PGPEP1L: variants seen among roughly 807,000 people sequenced by gnomAD.
PGPEP1L encodes the protein pyroglutamyl-peptidase I like.
A neutral mutation model predicts 6.0 loss-of-function variants in PGPEP1L; 7 were observed. The ratio of observed to expected loss-of-function variants is 1.17; its 90% CI spans 0.66 to 2.19. The LOEUF is 2.19. Among genes scored for constraint, PGPEP1L ranks in the 30% most tolerant of loss-of-function variants. PGPEP1L has a pLI of 0.00. For missense variants in PGPEP1L, 209 were observed against 192.5 expected (o/e 1.09, Z -0.51); for synonymous variants, 103 against 83.9 (o/e 1.23, Z -1.24).
At chr15:98,976,388 T>C (rs1002431356) in intron 2 of PGPEP1L, among the ~76,000 whole-genome samples, 11 of 152,198 alleles carry the variant, frequency 7.2e-5, no homozygotes, top group African/African-American at 2.2e-4. Flanking sequence ...AATAATTAAG[T>C]TGGGATTTTA....
chr15:98,984,006 AGTCTT>A (rs1291078295), intron 2 of PGPEP1L, among the ~76,000 whole-genome samples: 1 of 133,910 alleles, frequency 7.5e-6, no homozygotes, highest in African/African-American at 2.8e-5. Flanking sequence ...TGGAGTAAGT[AGTCTT>A]TTTTTTTTTT....
At chr15:98,974,758 T>C (rs968415961) in intron 2 of PGPEP1L, among the ~76,000 whole-genome samples, 8 of 152,082 alleles carry the variant, frequency 5.3e-5, no homozygotes, top group African/African-American at 1.9e-4. Context: ...TTAGCTGGCG[T>C]CATGGCACAC....
intron 2 of PGPEP1L, among the ~76,000 whole-genome samples, chr15:98,976,226 A>T (rs1241440647): frequency 6.6e-6 from 1 of 152,194 alleles, no homozygotes; most frequent in Non-Finnish European, 1.5e-5. Flanking sequence ...ATTTAATGTT[A>T]TACATCAATG....
intron 2 of PGPEP1L, among the ~76,000 whole-genome samples, chr15:98,998,952 G>A (rs1555472715): frequency 6.6e-6 from 1 of 152,100 alleles, no homozygotes; most frequent in Non-Finnish European, 1.5e-5. Context: ...TCCAGCCTGG[G>A]CGAAAGAGCA....
intron 2 of PGPEP1L, among the ~76,000 whole-genome samples, chr15:99,003,003 A>G (rs1443502576): frequency 1.3e-5 from 2 of 152,212 alleles, no homozygotes; most frequent in African/African-American, 4.8e-5. Flanking sequence ...ATTCCTGAAC[A>G]TCTGGGTCTA....
At chr15:98,980,426 G>T (rs1596516232) in intron 2 of PGPEP1L, among the ~76,000 whole-genome samples, 1 of 142,576 alleles carries the variant, frequency 7.0e-6, no homozygotes, top group East Asian at 2.1e-4. Context: ...ATATTCATGA[G>T]TCCATCCTGA....
intron 1 of PGPEP1L, among the ~76,000 whole-genome samples, chr15:99,006,264 G>A (rs575218616): frequency 4.6e-5 from 7 of 152,300 alleles, no homozygotes; most frequent in South Asian, 2.1e-4. Context: ...ACAGAGGCTT[G>A]CCACCTAGCT....
intron 2 of PGPEP1L, among the ~76,000 whole-genome samples, chr15:98,984,009 C>CTTTTTTTATTT (rs2017706856): frequency 8.6e-6 from 1 of 115,730 alleles, no homozygotes; most frequent in Non-Finnish European, 1.7e-5. Context: ...AGTAAGTAGT[C>CTTTTTTTATTT]TTTTTTTTTT....
intron 2 of PGPEP1L, among the ~76,000 whole-genome samples, chr15:99,000,824 G>C (rs990075342): frequency 6.6e-5 from 10 of 152,086 alleles, no homozygotes; most frequent in Admixed American, 1.3e-4. Context: ...AGCAGGCTGC[G>C]GGAGCCAACA....
chr15:98,993,291 T>C (rs1168281836), intron 2 of PGPEP1L, among the ~76,000 whole-genome samples: 1 of 152,148 alleles, frequency 6.6e-6, no homozygotes, highest in Non-Finnish European at 1.5e-5. Context: ...GGGTGAAGGA[T>C]ATGAACAGAC....
chr15:98,987,057 A>C (rs1555471546), intron 2 of PGPEP1L, among the ~76,000 whole-genome samples: 1 of 148,262 alleles, frequency 6.7e-6, no homozygotes, highest in Non-Finnish European at 1.5e-5. Flanking sequence ...GTCCCAGCTA[A>C]TTGGGAGGCT....
chr15:98,993,037 T>C (rs529774771), intron 2 of PGPEP1L, among the ~76,000 whole-genome samples: 206 of 152,320 alleles, frequency 1.4e-3, no homozygotes, highest in African/African-American at 4.6e-3. Context: ...ATTCAGGACA[T>C]AGGCATGAGC....
In PGPEP1L at chr15:98,969,635, C is replaced by A. The variant is rs2017463040; in HGVS notation, c.-2G>T. ...GATCGCCTTGGCGGCGGTGTCCATGCCCACATGCACGACGAGCTGTGTGAA... is the reference window on the plus strand; with the variant it reads ...GATCGCCTTGGCGGCGGTGTCCATGACCACATGCACGACGAGCTGTGTGAA... On this transcript the variant is annotated 5_prime_UTR_variant, in exon 4 of 5. Coordinates refer to ENST00000535714, the MANE Select transcript of PGPEP1L (RefSeq NM_001167902.2). 1 of 1,611,794 alleles carries A rather than the reference C, an allele frequency of 6.2e-7. No homozygotes were observed. The highest frequency in any genetic ancestry group is 8.5e-7 in the Non-Finnish European group (1 of 1,179,874).
chr15:98,968,748 A>G (rs2017443693), intron 4 of PGPEP1L, 51 bp from the exon 5 acceptor site: 1 of 1,505,822 alleles, frequency 6.6e-7, no homozygotes, highest in African/African-American at 1.4e-5. Context: ...CTCTAACCTC[A>G]GTGAAACATA....
intron 2 of PGPEP1L, among the ~76,000 whole-genome samples, chr15:98,994,191 G>A (rs1308249906): frequency 6.6e-6 from 1 of 151,872 alleles, no homozygotes; most frequent in Admixed American, 6.6e-5. Flanking sequence ...GCTTGAACCT[G>A]GGATGTGGAG....
chr15:98,987,287 G>A (rs984107393), intron 2 of PGPEP1L, among the ~76,000 whole-genome samples: 2 of 151,876 alleles, frequency 1.3e-5, no homozygotes, highest in Admixed American at 1.3e-4. Flanking sequence ...TGGAGTGTTG[G>A]TGGTAGAGTC....
intron 2 of PGPEP1L, among the ~76,000 whole-genome samples, chr15:99,000,276 C>A (rs2017944878): frequency 6.6e-6 from 1 of 152,186 alleles, no homozygotes; most frequent in Non-Finnish European, 1.5e-5. Context: ...GCCCGCCATG[C>A]CGGAGCTCCC....
At chr15:98,977,393 T>C (rs1424313515) in intron 2 of PGPEP1L, among the ~76,000 whole-genome samples, 2 of 152,256 alleles carry the variant, frequency 1.3e-5, no homozygotes, top group African/African-American at 4.8e-5. Flanking sequence ...GTTTTAATTT[T>C]CATTCATTTC....
At chr15:98,972,418 C>G (rs1186843949) in intron 2 of PGPEP1L, among the ~76,000 whole-genome samples, 1 of 151,294 alleles carries the variant, frequency 6.6e-6, no homozygotes, top group Non-Finnish European at 1.5e-5. Context: ...AAACATTCTA[C>G]TAGAGAAAAT....
Sources: allele counts gnomAD v4.1 joint callset (sites outside exome capture counted in the v4.1 genomes callset), GRCh38; gene constraint gnomAD v4.1.1; transcripts MANE v1.5; gene names NCBI Gene and HGNC (gene_info 2026-07-23, HGNC 2026-07-21).